Variants in ATP13A5 observed in about 807,000 individuals in gnomAD.
ATP13A5 encodes the protein probable cation-transporting ATPase 13A5.
ATP13A5 carries 149 observed loss-of-function variants against 150.2 expected under a neutral mutation model. The ratio of observed to expected loss-of-function variants is 0.99; its 90% CI spans 0.87 to 1.14. The LOEUF (loss-of-function observed/expected upper bound fraction) is 1.14, where lower values mean the gene tolerates loss of function less well. Among genes scored for constraint, ATP13A5 ranks in the 50% most tolerant of loss-of-function variants. The pLI, the probability that ATP13A5 is intolerant of heterozygous loss-of-function variation, is 0.00. For missense variants in ATP13A5, 1,383 were observed against 1,449.3 expected (o/e 0.95, Z 0.74); for synonymous variants, 497 against 522.2 (o/e 0.95, Z 0.66).
chr3:193,352,659 T>C (rs770121141), intron 6 of ATP13A5, among the ~76,000 whole-genome samples: 3 of 152,142 alleles, frequency 2.0e-5, no homozygotes, highest in Non-Finnish European at 2.9e-5. Context: ...GCTATGCATA[T>C]GTGGAGGCAG....
intron 27 of ATP13A5, among the ~76,000 whole-genome samples, chr3:193,282,179 A>G (rs1717526384): frequency 6.6e-6 from 1 of 152,036 alleles, no homozygotes; most frequent in South Asian, 2.1e-4. Flanking sequence ...TGGGTGAAAG[A>G]GCAAGACTCC....
intron 15 of ATP13A5, among the ~76,000 whole-genome samples, 189 bp downstream of exon 15, chr3:193,322,302 C>G (rs1719309829): frequency 1.3e-5 from 2 of 152,266 alleles, no homozygotes; most frequent in African/African-American, 4.8e-5. Flanking sequence ...GCACAATGCC[C>G]TAGCGTACAC....
At position 193,327,116 on chromosome 3, in the gene ATP13A5, A is replaced by G. The variant is rs530752752; in HGVS notation, c.1462-59T>C. 22 of 1,446,358 alleles carry G rather than the reference A, an allele frequency of 1.5e-5. No homozygotes were observed. The East Asian group carries it at 5.2e-4, about 34-fold the overall frequency. 89.6% of individuals were successfully genotyped at this position (1,446,358 alleles called of 1,614,324 possible). ...ATTTAAAGCTTTTAATTATATAGTAATTTAAACAAAACCCAAGTTTCTAAG... is the reference window on the plus strand; with the variant it reads ...ATTTAAAGCTTTTAATTATATAGTAGTTTAAACAAAACCCAAGTTTCTAAG... On this transcript the variant is annotated intron_variant, in intron 12 of 29. Transcript: ENST00000342358.
intron 1 of ATP13A5, among the ~76,000 whole-genome samples, chr3:193,368,872 T>G (rs1309611038): frequency 6.6e-6 from 1 of 152,190 alleles, no homozygotes; most frequent in African/African-American, 2.4e-5. Context: ...AATTATTCTA[T>G]GAACCTCAAG....
chr3:193,305,544 G>A lies in ATP13A5; in HGVS notation c.2678+15C>T, dbSNP rs752545216. 4 of 1,605,470 alleles carry A rather than the reference G, an allele frequency of 2.5e-6. No individual in the cohort carries two copies. The South Asian group carries it at 3.3e-5, about 13-fold the overall frequency. On this transcript the variant is annotated intron_variant, in intron 23 of 29. Coordinates refer to ENST00000342358, the MANE Select transcript of ATP13A5 (RefSeq NM_198505.4). ...CCCATTGATTGTAGGGCTGGAAGAG[G>A]AAAAAATGACTTACCTGATGAGATG... is the stretch of plus-strand genomic sequence containing the variant.
intron 6 of ATP13A5, among the ~76,000 whole-genome samples, chr3:193,353,347 A>T (rs4594569): frequency 0.54 from 81,691 of 151,190 alleles, 22,294 homozygotes; most frequent in African/African-American, 0.61. Flanking sequence ...ACACAAGGAA[A>T]ATATTTTTAA....
intron 10 of ATP13A5, 149 bp downstream of exon 10, chr3:193,334,780 C>T: frequency 1.5e-6 from 1 of 668,120 alleles, no homozygotes; most frequent in Non-Finnish European, 2.5e-6. Flanking sequence ...AAAATAGTGA[C>T]ACTTTAGAAT....
intron 6 of ATP13A5, 88 bp from the exon 7 acceptor site, chr3:193,351,289 A>C: frequency 3.4e-6 from 5 of 1,475,838 alleles, no homozygotes; most frequent in African/African-American, 1.4e-5. Context: ...TTTTTTTCTC[A>C]TTTTTTTACA....
intron 5 of ATP13A5, among the ~76,000 whole-genome samples, chr3:193,357,809 G>C (rs897545304): frequency 7.2e-5 from 11 of 152,208 alleles, no homozygotes; most frequent in Non-Finnish European, 1.2e-4. Context: ...GATTTCTGCA[G>C]GGACCATGGG....
Position 193,311,961 on chromosome 3 carries a change from A to G in ATP13A5, c.2320-20T>C. Reference sequence around the variant, plus strand: ...GATTTCCTAAAATCAAAAGGGCATCATTTCTACATTGACTCCTAAGGAGTG... The same window carrying G: ...GATTTCCTAAAATCAAAAGGGCATCGTTTCTACATTGACTCCTAAGGAGTG... On this transcript the variant is annotated intron_variant, in intron 19 of 29. Transcript: ENST00000342358. 1 of 1,612,710 alleles carries G rather than the reference A, an allele frequency of 6.2e-7. No individual in the cohort carries two copies. Among genetic ancestry groups the G allele is most frequent in the Non-Finnish European group, 8.5e-7 (1 of 1,179,242 alleles).
chr3:193,377,168 A>G (rs112433607), intron 1 of ATP13A5, among the ~76,000 whole-genome samples: 16 of 152,340 alleles, frequency 1.1e-4, no homozygotes, highest in African/African-American at 3.8e-4. Flanking sequence ...GTAATTTTTC[A>G]TGCACTCTTA....
At chr3:193,314,747 G>A (rs901895884) in intron 18 of ATP13A5, among the ~76,000 whole-genome samples, 2 of 152,168 alleles carry the variant, frequency 1.3e-5, no homozygotes, top group Non-Finnish European at 2.9e-5. Context: ...CTGGCTGGGA[G>A]GGGTAGTCAT....
In ATP13A5 at chr3:193,285,174, GA is replaced by G. The variant is rs566606337; in HGVS notation, c.3024-59del. 5.3e-3 allele frequency: 6,880 copies of G among 1,286,270 alleles called. 25 individuals carry two copies. Among genetic ancestry groups the G allele is most frequent in the South Asian group, 0.022 (1,486 of 66,394 alleles). 79.7% of individuals were successfully genotyped at this position (1,286,270 alleles called of 1,614,324 possible). A position where few individuals can be genotyped will look rare whatever the true frequency, so the allele number is the denominator to read the frequency against. The stretch of plus-strand genomic sequence containing the variant: ...TTGATTCCATTTTTGTCCATTAGGT[GA>G]AAAAAAAAATAATTTAATCACTACC... On this transcript the variant is annotated intron_variant, in intron 26 of 29. Coordinates refer to ENST00000342358, the MANE Select transcript of ATP13A5 (RefSeq NM_198505.4).
At chr3:193,313,699 T>C (rs1186080577) in intron 19 of ATP13A5, 2 of 201,162 alleles carry the variant, frequency 9.9e-6, no homozygotes, top group Non-Finnish European at 2.0e-5. Context: ...TTGCATAGGG[T>C]TATTTTAATG....
At chr3:193,374,649 A>ACG (rs1713577296) in intron 1 of ATP13A5, among the ~76,000 whole-genome samples, 2 of 71,480 alleles carry the variant, frequency 2.8e-5, no homozygotes, top group African/African-American at 1.4e-4. Context: ...TGACACACAC[A>ACG]CACACACACA....
rs748521980 is a variant in ATP13A5, at chr3:193,318,990, C to A, written c.2033+1G>T. The A allele has an allele frequency of 2.5e-6, 4 of 1,610,518 alleles. No homozygotes were observed. Among genetic ancestry groups the A allele is most frequent in the Non-Finnish European group, 3.4e-6 (4 of 1,176,880 alleles). ...CTAGTGCCAATTTCTGAATTGCTTA[C>A]CTGGCTAAGTGCTCGACTTCTGAAA... On this transcript the variant is annotated splice_donor_variant, in intron 17 of 29. Transcript: ENST00000342358. LOFTEE classifies it high-confidence loss of function.
chr3:193,289,682 C>T (rs149775030), intron 26 of ATP13A5, among the ~76,000 whole-genome samples: 218 of 152,232 alleles, frequency 1.4e-3, no homozygotes, highest in African/African-American at 5.0e-3. Flanking sequence ...TATACATTAA[C>T]AACCAGTGTG....
intron 5 of ATP13A5, among the ~76,000 whole-genome samples, chr3:193,356,809 AT>A (rs959353818): frequency 6.8e-5 from 10 of 146,354 alleles, no homozygotes; most frequent in East Asian, 2.0e-4. Flanking sequence ...GCAGAAACAG[AT>A]TTTTTTTTCT....
chr3:193,341,166 C>T (rs905811354), intron 9 of ATP13A5, among the ~76,000 whole-genome samples: 1 of 117,070 alleles, frequency 8.5e-6, no homozygotes, highest in Non-Finnish European at 1.8e-5. Context: ...TAACATATTC[C>T]CCCCCCCTCC....
Sources: gnomAD v4.1 joint callset for allele counts (sites outside exome capture counted in the v4.1 genomes callset) on GRCh38, gnomAD v4.1.1 for gene constraint, MANE v1.5 for transcripts, NCBI Gene and HGNC (gene_info 2026-07-23, HGNC 2026-07-21) for gene names.